PTPRD: variants seen among roughly 807,000 people sequenced by gnomAD.
PTPRD encodes receptor-type tyrosine-protein phosphatase delta.
Under a neutral mutation model 214.5 loss-of-function variants are expected in PTPRD, and 34 were observed. The observed-to-expected ratio is 0.16, with a 90% CI of 0.12 to 0.21. PTPRD has a LOEUF of 0.21. Ranked by LOEUF, PTPRD falls within the 10% of genes least tolerant of loss-of-function variation. The pLI is 1.00. For synonymous variants in PTPRD, 1,128 were observed against 845.7 expected, an observed-to-expected ratio of 1.33 and a Z score of -5.79; for missense variants, 2,545 against 2,398.7, an observed-to-expected ratio of 1.06 and a Z score of -1.27.
At chr9:9,978,051 G>T (rs2095419102) in intron 4 of PTPRD, among the ~76,000 whole-genome samples, 1 of 151,872 alleles carries the variant, frequency 6.6e-6, no homozygotes, top group Non-Finnish European at 1.5e-5. Flanking sequence ...CTTTTCTCAA[G>T]TCCATCAGAT....
intron 14 of PTPRD, among the ~76,000 whole-genome samples, chr9:8,629,085 A>G (rs1172055151): frequency 6.6e-6 from 1 of 151,808 alleles, no homozygotes; most frequent in Non-Finnish European, 1.5e-5. Context: ...TTGAGATAAG[A>G]GCAAAATAAT....
rs201836680 is a variant in PTPRD, at chr9:9,611,840, T to C, written c.-286-37059A>G. 5.9e-4 allele frequency among the ~76,000 whole-genome samples: 90 copies of C among 152,268 alleles called. No homozygotes were observed. The East Asian group carries it at 0.012, about 20-fold the overall frequency. On this transcript the variant is annotated intron_variant, in intron 7 of 45. Coordinates refer to ENST00000381196, the MANE Select transcript of PTPRD (RefSeq NM_002839.4). ...TTACACATAAAAATGTAATTATGTT[T>C]CAAATAATAAAGCTATGCTCATTCT... is the stretch of plus-strand genomic sequence containing the variant.
chr9:8,750,364 G>C (rs538943879), intron 11 of PTPRD, among the ~76,000 whole-genome samples: 2 of 151,966 alleles, frequency 1.3e-5, no homozygotes, highest in East Asian at 4.0e-4. Context: ...TACCAAGTTG[G>C]CCAGGCTGGT....
intron 11 of PTPRD, among the ~76,000 whole-genome samples, chr9:8,781,124 C>T (rs532524242): frequency 6.6e-6 from 1 of 152,090 alleles, no homozygotes; most frequent in Admixed American, 6.6e-5. Context: ...TTAAAAGATT[C>T]TGCAGTTTAT....
intron 3 of PTPRD, among the ~76,000 whole-genome samples, chr9:10,062,043 C>G (rs2097785895): frequency 6.6e-6 from 1 of 151,222 alleles, no homozygotes; most frequent in Non-Finnish European, 1.5e-5. Flanking sequence ...TTGATTGATA[C>G]TGTTAAAAGA....
At chr9:9,776,964 T>A (rs548872080) in intron 5 of PTPRD, among the ~76,000 whole-genome samples, 3 of 152,202 alleles carry the variant, frequency 2.0e-5, no homozygotes, top group Admixed American at 6.5e-5. Context: ...GGGATCAATT[T>A]TCTAGTCATT....
intron 8 of PTPRD, among the ~76,000 whole-genome samples, chr9:9,457,099 T>C (rs1304521782): frequency 4.0e-5 from 6 of 151,766 alleles, no homozygotes; most frequent in African/African-American, 1.2e-4. Flanking sequence ...AGGACAGCAA[T>C]AGGGTAGTGA....
intron 3 of PTPRD, among the ~76,000 whole-genome samples, chr9:10,197,358 G>A (rs294828): frequency 0.55 from 84,266 of 152,042 alleles, 26,503 homozygotes; most frequent in African/African-American, 0.87. Flanking sequence ...TACCGAGGAT[G>A]TGAATGGATT....
intron 7 of PTPRD, among the ~76,000 whole-genome samples, chr9:9,630,301 G>T (rs2154358987): frequency 6.6e-6 from 1 of 152,252 alleles, no homozygotes; most frequent in South Asian, 2.1e-4. Context: ...CAAAGAAAAA[G>T]AATTGATCTT....
chr9:10,039,576 A>G (rs2097257896), intron 3 of PTPRD, among the ~76,000 whole-genome samples: 1 of 152,088 alleles, frequency 6.6e-6, no homozygotes, highest in South Asian at 2.1e-4. Flanking sequence ...TTATATAAAG[A>G]ACACTTAGCT....
intron 7 of PTPRD, among the ~76,000 whole-genome samples, chr9:9,583,782 G>A (rs549647767): frequency 6.6e-6 from 1 of 152,120 alleles, no homozygotes; most frequent in African/African-American, 2.4e-5. Flanking sequence ...GCTCAGATAA[G>A]CTTGGAGACT....
intron 9 of PTPRD, among the ~76,000 whole-genome samples, chr9:9,389,946 G>A (rs1043463296): frequency 6.6e-6 from 1 of 152,146 alleles, no homozygotes; most frequent in Non-Finnish European, 1.5e-5. Context: ...AGGCAAGGTA[G>A]GTAAGTGCTC....
chr9:10,010,664 C>T (rs896950851), intron 4 of PTPRD, among the ~76,000 whole-genome samples: 2 of 151,808 alleles, frequency 1.3e-5, no homozygotes, highest in African/African-American at 4.8e-5. Context: ...CCAACTTCTA[C>T]TCTTTCACAC....
chr9:9,873,010 T>C (rs1418500363), intron 5 of PTPRD, among the ~76,000 whole-genome samples: 2 of 152,170 alleles, frequency 1.3e-5, no homozygotes, highest in Non-Finnish European at 1.5e-5. Context: ...AGAAGATCAA[T>C]ACTATTTTGA....
chr9:8,354,831 T>TATCA (rs1177376559), intron 39 of PTPRD, among the ~76,000 whole-genome samples: 5 of 152,204 alleles, frequency 3.3e-5, no homozygotes, highest in African/African-American at 7.2e-5. Context: ...TCCACGATTC[T>TATCA]ATCAATCAAT....
At chr9:8,502,794 T>C (rs2097438859) in intron 23 of PTPRD, among the ~76,000 whole-genome samples, 1 of 151,532 alleles carries the variant, frequency 6.6e-6, no homozygotes, top group Non-Finnish European at 1.5e-5. Flanking sequence ...AAATAAGGAA[T>C]AGATAAGTGT....
intron 5 of PTPRD, among the ~76,000 whole-genome samples, chr9:9,868,857 C>G (rs1236119709): frequency 6.6e-6 from 1 of 152,058 alleles, no homozygotes; most frequent in African/African-American, 2.4e-5. Context: ...GATAGAGAAA[C>G]TTCTACAAAC....
At chr9:10,186,724 G>A (rs1355538385) in intron 3 of PTPRD, among the ~76,000 whole-genome samples, 1 of 152,030 alleles carries the variant, frequency 6.6e-6, no homozygotes, top group Non-Finnish European at 1.5e-5. Flanking sequence ...ATTCTCAAAT[G>A]TATAAATTAT....
chr9:10,214,151 C>G (rs2099529831), intron 3 of PTPRD, among the ~76,000 whole-genome samples: 2 of 152,212 alleles, frequency 1.3e-5, no homozygotes, highest in Non-Finnish European at 2.9e-5. Context: ...TTTTACATCA[C>G]ATGCAATCAT....
Sources: gnomAD v4.1 joint callset for allele counts (sites outside exome capture counted in the v4.1 genomes callset) on GRCh38, gnomAD v4.1.1 for gene constraint, MANE v1.5 for transcripts, NCBI Gene and HGNC (gene_info 2026-07-23, HGNC 2026-07-21) for gene names.